Variants in CAST observed in about 807,000 individuals in gnomAD.
CAST encodes calpastatin.
A neutral mutation model predicts 119.6 loss-of-function variants in CAST; 76 were observed. That is an observed-to-expected ratio of 0.64 (90% CI 0.53 to 0.77). The LOEUF (loss-of-function observed/expected upper bound fraction) is 0.77. CAST is among the 30% of genes least tolerant of loss of function. The pLI is 0.00. For missense variants in CAST, 953 were observed against 946.5 expected (o/e 1.01, Z -0.09); for synonymous variants, 319 against 331.6 (o/e 0.96, Z 0.41).
At chr5:96,263,491 G>A in the CAST span, among the ~76,000 whole-genome samples, 2 of 152,108 alleles carry the variant, frequency 1.3e-5, no homozygotes, top group African/African-American at 2.4e-5. Flanking sequence ...AATATGGGAT[G>A]TTCTCCATTC....
the CAST span, among the ~76,000 whole-genome samples, chr5:96,175,749 G>A: frequency 6.6e-6 from 1 of 152,228 alleles, no homozygotes; most frequent in Non-Finnish European, 1.5e-5. Flanking sequence ...TTAGACTAGA[G>A]TGATGCTTCC....
chr5:96,489,867 C>T, the CAST span, among the ~76,000 whole-genome samples: 1 of 152,198 alleles, frequency 6.6e-6, no homozygotes, highest in South Asian at 2.1e-4. Flanking sequence ...ATTAGTACCA[C>T]TTAGTCTAAG....
At chr5:96,506,706 C>T in the CAST span, among the ~76,000 whole-genome samples, 2 of 152,176 alleles carry the variant, frequency 1.3e-5, no homozygotes, top group African/African-American at 2.4e-5. Context: ...AGCAGTGGCA[C>T]CCGAGAAAGT....
the CAST span, among the ~76,000 whole-genome samples, chr5:96,176,305 A>C: frequency 1.3e-5 from 2 of 152,254 alleles, no homozygotes; most frequent in African/African-American, 4.8e-5. Flanking sequence ...AAGGAGCAGG[A>C]GCTGATTACA....
chr5:96,612,514 C>A (rs1209427454), intron 1 of CAST, among the ~76,000 whole-genome samples: 1 of 152,034 alleles, frequency 6.6e-6, no homozygotes, highest in Non-Finnish European at 1.5e-5. Flanking sequence ...CAATAGAAGC[C>A]CAAACCTCAG....
At chr5:96,177,861 G>C in the CAST span, among the ~76,000 whole-genome samples, 1 of 152,200 alleles carries the variant, frequency 6.6e-6, no homozygotes, top group African/African-American at 2.4e-5. Context: ...TGCAGCTAGT[G>C]ATTCCCCTGT....
the CAST span, among the ~76,000 whole-genome samples, chr5:96,379,196 A>T: frequency 1.3e-5 from 2 of 152,182 alleles, no homozygotes; most frequent in Non-Finnish European, 2.9e-5. Flanking sequence ...CACCACGTTC[A>T]TTGATTTTGA....
At chr5:96,010,303 A>G in the CAST span, among the ~76,000 whole-genome samples, 2 of 152,006 alleles carry the variant, frequency 1.3e-5, no homozygotes, top group Non-Finnish European at 1.5e-5. Context: ...TATGATTTTT[A>G]GAATATATTT....
At chr5:96,477,350 CAT>C in the CAST span, among the ~76,000 whole-genome samples, 6,581 of 152,172 alleles carry the variant, frequency 0.043, 205 homozygotes, top group Non-Finnish European at 0.069. Context: ...TCTGGTCTCT[CAT>C]GTGTGTGTGT....
At chr5:96,567,825 T>C (rs1350398974) in intron 1 of CAST, among the ~76,000 whole-genome samples, 1 of 152,172 alleles carries the variant, frequency 6.6e-6, no homozygotes, top group African/African-American at 2.4e-5. Flanking sequence ...TAGTTGGGAA[T>C]GTAGACAGGG....
chr5:96,348,346 A>G, the CAST span, among the ~76,000 whole-genome samples: 209 of 152,116 alleles, frequency 1.4e-3, 2 homozygotes, highest in Non-Finnish European at 1.0e-3. Flanking sequence ...AGAGACATGA[A>G]TAATGCTAGT....
intron 1 of CAST, among the ~76,000 whole-genome samples, chr5:96,634,819 A>G (rs155039): frequency 0.54 from 81,713 of 152,124 alleles, 21,958 homozygotes; most frequent in East Asian, 0.64. Context: ...TCTCAAAACT[A>G]TTTGTGACTA....
At chr5:96,190,812 C>T in the CAST span, among the ~76,000 whole-genome samples, 3 of 151,944 alleles carry the variant, frequency 2.0e-5, no homozygotes, top group African/African-American at 4.8e-5. Flanking sequence ...GGTTTGGGTA[C>T]GGATGGATGA....
the CAST span, among the ~76,000 whole-genome samples, chr5:96,473,099 T>A: frequency 6.6e-6 from 1 of 152,170 alleles, no homozygotes; most frequent in Non-Finnish European, 1.5e-5. Context: ...CCTAATTGAG[T>A]ATTACTTTAT....
At chr5:96,145,477 A>G in the CAST span, among the ~76,000 whole-genome samples, 1 of 152,276 alleles carries the variant, frequency 6.6e-6, no homozygotes, top group East Asian at 1.9e-4. Context: ...CACCCATGGG[A>G]TAGGTAGTAA....
chr5:95,963,150 T>C, the CAST span, among the ~76,000 whole-genome samples: 9 of 152,346 alleles, frequency 5.9e-5, no homozygotes, highest in East Asian at 1.7e-3. Flanking sequence ...ATAAAAAAAC[T>C]GAGACGCTTG....
At chr5:96,462,201 C>T in the CAST span, among the ~76,000 whole-genome samples, 1 of 152,052 alleles carries the variant, frequency 6.6e-6, no homozygotes, top group East Asian at 1.9e-4. Flanking sequence ...TTATTGCTTT[C>T]TTAATTGATT....
At chr5:96,618,877 G>C (rs943031572) in intron 1 of CAST, among the ~76,000 whole-genome samples, 2 of 152,256 alleles carry the variant, frequency 1.3e-5, no homozygotes, top group Non-Finnish European at 1.5e-5. Context: ...AGGCAGCTCT[G>C]CCCGCAGCCC....
chr5:95,987,738 C>T, the CAST span, among the ~76,000 whole-genome samples: 1 of 152,176 alleles, frequency 6.6e-6, no homozygotes, highest in African/African-American at 2.4e-5. Flanking sequence ...ATGTGGCACA[C>T]AGTAGATACT....
Sources: allele counts gnomAD v4.1 joint callset (sites outside exome capture counted in the v4.1 genomes callset), GRCh38; gene constraint gnomAD v4.1.1; transcripts MANE v1.5; gene names NCBI Gene and HGNC (gene_info 2026-07-23, HGNC 2026-07-21).